The following PPP3CC variants were observed in gnomAD, a reference collection of about 807,000 sequenced individuals.
PPP3CC encodes the protein protein phosphatase 3 catalytic subunit gamma.
Under a neutral mutation model 60.3 loss-of-function variants are expected in PPP3CC, and 35 were observed. The observed-to-expected ratio is 0.58, with a 90% confidence interval of 0.44 to 0.77. PPP3CC has a LOEUF of 0.77. Ranked by LOEUF, PPP3CC falls within the 30% of genes least tolerant of loss-of-function variation. The pLI, the probability that PPP3CC is intolerant of heterozygous loss-of-function variation, is 0.00. For synonymous variants in PPP3CC, 206 were observed against 224.3 expected (o/e 0.92, Z 0.73); for missense variants, 570 against 628.9 (o/e 0.91, Z 1.00).
At chr8:22,462,675 A>G (rs1026031619) in intron 1 of PPP3CC, among the ~76,000 whole-genome samples, 1 of 150,652 alleles carries the variant, frequency 6.6e-6, no homozygotes, top group African/African-American at 2.4e-5. Context: ...AGTTCACACC[A>G]TTCTCCTGCC....
At chr8:22,462,655 C>T (rs1195582370) in intron 1 of PPP3CC, among the ~76,000 whole-genome samples, 4 of 151,730 alleles carry the variant, frequency 2.6e-5, no homozygotes, top group African/African-American at 9.7e-5. Context: ...ACTGCAAGCT[C>T]CGCCTCCTGA....
intron 9 of PPP3CC, among the ~76,000 whole-genome samples, chr8:22,528,130 T>C (rs1424549834): frequency 6.6e-6 from 1 of 152,246 alleles, no homozygotes; most frequent in African/African-American, 2.4e-5. Context: ...TACAATTTTA[T>C]TTGTACAGCT....
intron 1 of PPP3CC, among the ~76,000 whole-genome samples, chr8:22,456,416 T>G (rs919281726): frequency 6.6e-6 from 1 of 152,210 alleles, no homozygotes; most frequent in Non-Finnish European, 1.5e-5. Context: ...TTTATTTAAT[T>G]TTTATTTTGA....
intron 4 of PPP3CC, among the ~76,000 whole-genome samples, chr8:22,503,691 C>T (rs1295841737): frequency 6.6e-6 from 1 of 152,140 alleles, no homozygotes; most frequent in African/African-American, 2.4e-5. Context: ...TTTTAAGTAT[C>T]TCCTTTTGCC....
intron 1 of PPP3CC, among the ~76,000 whole-genome samples, chr8:22,468,091 A>T (rs765418335): frequency 2.6e-5 from 4 of 152,112 alleles, no homozygotes; most frequent in African/African-American, 9.7e-5. Flanking sequence ...TTGAATCAGA[A>T]GTTTCTAGTC....
chr8:22,456,792 A>G (rs191159815), intron 1 of PPP3CC, among the ~76,000 whole-genome samples: 479 of 152,282 alleles, frequency 3.1e-3, no homozygotes, highest in Non-Finnish European at 4.9e-3. Flanking sequence ...TAGTTTGGCT[A>G]TTGTTTTTAA....
intron 3 of PPP3CC, 61 bp downstream of exon 3, chr8:22,475,685 A>C: frequency 1.4e-6 from 2 of 1,448,552 alleles, no homozygotes; most frequent in Non-Finnish European, 1.9e-6. Flanking sequence ...GATGATTTCC[A>C]TTCTTCAGTA....
intron 3 of PPP3CC, among the ~76,000 whole-genome samples, chr8:22,490,166 A>G (rs1838357418): frequency 6.6e-6 from 1 of 152,110 alleles, no homozygotes; most frequent in African/African-American, 2.4e-5. Context: ...GAGCTTTTAC[A>G]GATAAAATAT....
intron 4 of PPP3CC, among the ~76,000 whole-genome samples, chr8:22,509,079 G>A (rs764866872): frequency 2.0e-5 from 3 of 152,182 alleles, no homozygotes; most frequent in African/African-American, 4.8e-5. Flanking sequence ...CAGTATTGGC[G>A]TTAAAGAGAA....
chr8:22,483,881 C>A (rs1032995056), intron 3 of PPP3CC, among the ~76,000 whole-genome samples: 1 of 152,074 alleles, frequency 6.6e-6, no homozygotes, highest in Non-Finnish European at 1.5e-5. Context: ...TGCTCTGTCA[C>A]CCAGACTGGA....
intron 3 of PPP3CC, chr8:22,492,564 C>A (rs1838438432): frequency 5.0e-6 from 2 of 399,388 alleles, no homozygotes; most frequent in East Asian, 4.6e-5. Flanking sequence ...CACCCGAGAC[C>A]CCCAAGCACC....
intron 1 of PPP3CC, among the ~76,000 whole-genome samples, chr8:22,453,515 T>C (rs1237020259): frequency 6.6e-6 from 1 of 152,186 alleles, no homozygotes; most frequent in Non-Finnish European, 1.5e-5. Flanking sequence ...AAGTTGGCCC[T>C]GTGGAACCTG....
chr8:22,512,155 C>G (rs1839106081), intron 5 of PPP3CC, among the ~76,000 whole-genome samples: 1 of 152,110 alleles, frequency 6.6e-6, no homozygotes, highest in African/African-American at 2.4e-5. Context: ...GATACTCATC[C>G]TCTCTTACAG....
intron 1 of PPP3CC, among the ~76,000 whole-genome samples, chr8:22,461,775 T>C (rs918388280): frequency 6.6e-6 from 1 of 152,164 alleles, no homozygotes; most frequent in Non-Finnish European, 1.5e-5. Context: ...CAGAGTAATG[T>C]TAGGATAAAG....
Position 22,533,710 on chromosome 8 carries a change from A to G in PPP3CC, c.1321+692A>G, listed in dbSNP as rs374128780. ...TGTGGTGGTGGGCACCTGTGATCCC[A>G]GCTACTCGGTTGCCTGAGACAGGAG... On this transcript the variant is annotated intron_variant, in intron 12 of 13. Coordinates refer to ENST00000240139, the MANE Select transcript of PPP3CC (RefSeq NM_005605.5). 9.8e-5 allele frequency among the ~76,000 whole-genome samples: 15 copies of G among 152,292 alleles called. No homozygotes were observed. In the East Asian group the frequency reaches 1.7e-3, roughly 18 times the overall value.
chr8:22,478,548 A>AT (rs1191011727), intron 3 of PPP3CC, among the ~76,000 whole-genome samples: 1 of 152,238 alleles, frequency 6.6e-6, no homozygotes, highest in East Asian at 1.9e-4. Flanking sequence ...TCATTAATAC[A>AT]TTCAATAAAG....
chr8:22,540,502 C>T, intron 13 of PPP3CC, 113 bp from the exon 14 acceptor site: 1 of 1,059,294 alleles, frequency 9.4e-7, no homozygotes, highest in Non-Finnish European at 1.4e-6. Context: ...TGCTCCATAG[C>T]CACCTTTCTG....
chr8:22,510,914 T>G, intron 4 of PPP3CC, 172 bp from the exon 5 acceptor site: 1 of 630,260 alleles, frequency 1.6e-6, no homozygotes, highest in Non-Finnish European at 2.7e-6. Context: ...GAGAGAGGTA[T>G]TGTTAACCTA....
intron 3 of PPP3CC, among the ~76,000 whole-genome samples, chr8:22,480,792 T>C (rs887244361): frequency 6.6e-6 from 1 of 152,184 alleles, no homozygotes; most frequent in African/African-American, 2.4e-5. Context: ...AAGTTAATTT[T>C]AGGTCAAAAG....
Sources: gnomAD v4.1 joint callset for allele counts (sites outside exome capture counted in the v4.1 genomes callset) on GRCh38, gnomAD v4.1.1 for gene constraint, MANE v1.5 for transcripts, NCBI Gene and HGNC (gene_info 2026-07-23, HGNC 2026-07-21) for gene names.